Variants in SLC24A3 observed in about 807,000 individuals in gnomAD.
SLC24A3 encodes solute carrier family 24 member 3, also known as sodium/potassium/calcium exchanger 3.
In SLC24A3, 28 loss-of-function variants were observed where a neutral mutation model predicts 75.8. The ratio of observed to expected loss-of-function variants is 0.37; its 90% CI spans 0.27 to 0.51. SLC24A3 has a LOEUF of 0.51. Ranked by LOEUF, SLC24A3 falls within the 20% of genes least tolerant of loss-of-function variation. SLC24A3 has a pLI of 0.94. For synonymous variants in SLC24A3, 372 were observed against 334.1 expected (o/e 1.11, Z -1.24); for missense variants, 663 against 847.8 (o/e 0.78, Z 2.71).
intron 3 of SLC24A3, among the ~76,000 whole-genome samples, chr20:19,563,648 C>A (rs773420487): frequency 2.0e-5 from 3 of 152,182 alleles, no homozygotes; most frequent in Non-Finnish European, 4.4e-5. Flanking sequence ...TTTGGAAGTC[C>A]TGGTTGCTTG....
chr20:19,616,662 A>T (rs2031740573), intron 6 of SLC24A3, among the ~76,000 whole-genome samples: 1 of 152,116 alleles, frequency 6.6e-6, no homozygotes, highest in Non-Finnish European at 1.5e-5. Flanking sequence ...GGGTTCCAGG[A>T]AGTGTCTAAT....
intron 2 of SLC24A3, among the ~76,000 whole-genome samples, chr20:19,334,345 A>G (rs1273637414): frequency 1.3e-5 from 2 of 152,072 alleles, no homozygotes; most frequent in African/African-American, 4.8e-5. Context: ...ATTAAATAAA[A>G]TGATCAAACT....
At chr20:19,483,622 G>C (rs1352725542) in intron 2 of SLC24A3, among the ~76,000 whole-genome samples, 1 of 152,196 alleles carries the variant, frequency 6.6e-6, no homozygotes, top group Admixed American at 6.5e-5. Flanking sequence ...GTGGATACCA[G>C]AGTCAGGGCA....
At chr20:19,228,637 T>G (rs1452391064) in intron 1 of SLC24A3, among the ~76,000 whole-genome samples, 2 of 150,494 alleles carry the variant, frequency 1.3e-5, no homozygotes, top group African/African-American at 4.9e-5. Context: ...AGAGCTAGAC[T>G]CCGTCTCAAA....
intron 1 of SLC24A3, among the ~76,000 whole-genome samples, chr20:19,255,437 G>T (rs186524558): frequency 6.6e-6 from 1 of 152,250 alleles, no homozygotes; most frequent in South Asian, 2.1e-4. Flanking sequence ...TGAGAGAGAA[G>T]TGTGGACTTC....
chr20:19,355,823 G>T (rs1182993689), intron 2 of SLC24A3, among the ~76,000 whole-genome samples: 1 of 152,202 alleles, frequency 6.6e-6, no homozygotes, highest in Non-Finnish European at 1.5e-5. Flanking sequence ...CTGCTACATT[G>T]TAATGGGCTG....
In SLC24A3 at chr20:19,234,188, G is replaced by A. The variant is rs146085047; in HGVS notation, c.142+21204G>A. 1.9e-4 allele frequency among the ~76,000 whole-genome samples: 29 copies of A among 152,314 alleles called. No individual in the cohort carries two copies. In the East Asian group the frequency reaches 5.6e-3, roughly 29 times the overall value. On this transcript the variant is annotated intron_variant, in intron 1 of 16. Transcript: ENST00000328041. ...TAAACCCGTGTTTTTCAAAGTGAGAGCCTTGGAACAGCAGCATCAGCATCG... is the reference window on the plus strand; with the variant it reads ...TAAACCCGTGTTTTTCAAAGTGAGAACCTTGGAACAGCAGCATCAGCATCG...
chr20:19,602,511 C>A (rs1327210598), intron 6 of SLC24A3, among the ~76,000 whole-genome samples: 4 of 152,186 alleles, frequency 2.6e-5, no homozygotes, highest in Non-Finnish European at 4.4e-5. Context: ...AGCTTCGAAA[C>A]CACAGCTGGT....
intron 2 of SLC24A3, among the ~76,000 whole-genome samples, chr20:19,403,904 A>G (rs1221683718): frequency 6.6e-6 from 1 of 152,236 alleles, no homozygotes; most frequent in African/African-American, 2.4e-5. Flanking sequence ...GGAATCCTTT[A>G]GTCAAACAAA....
chr20:19,316,479 A>G (rs940005080), intron 2 of SLC24A3, among the ~76,000 whole-genome samples: 18 of 152,250 alleles, frequency 1.2e-4, no homozygotes, highest in African/African-American at 4.3e-4. Flanking sequence ...TTGACAGGAC[A>G]GGGTTTCCCT....
intron 6 of SLC24A3, among the ~76,000 whole-genome samples, chr20:19,642,075 G>A (rs1262508068): frequency 6.6e-6 from 1 of 151,756 alleles, no homozygotes; most frequent in African/African-American, 2.4e-5. Flanking sequence ...AAGTTTGTAA[G>A]AAAAAAAAGG....
At chr20:19,433,488 G>A (rs546536458) in intron 2 of SLC24A3, among the ~76,000 whole-genome samples, 1 of 152,286 alleles carries the variant, frequency 6.6e-6, no homozygotes, top group East Asian at 1.9e-4. Flanking sequence ...GCATCTCTTT[G>A]ATTGTTTTGC....
At chr20:19,464,157 C>A (rs1318623308) in intron 2 of SLC24A3, among the ~76,000 whole-genome samples, 3 of 152,234 alleles carry the variant, frequency 2.0e-5, no homozygotes, top group African/African-American at 7.2e-5. Context: ...CCAGCCTTCT[C>A]GCCAACACTG....
intron 2 of SLC24A3, among the ~76,000 whole-genome samples, chr20:19,407,644 A>G (rs1049770388): frequency 2.6e-5 from 4 of 152,246 alleles, no homozygotes; most frequent in Non-Finnish European, 5.9e-5. Flanking sequence ...AGAAAGGAAA[A>G]CAAGTAGCCA....
chr20:19,294,878 G>GT (rs1984025120), intron 2 of SLC24A3, among the ~76,000 whole-genome samples: 1 of 152,138 alleles, frequency 6.6e-6, no homozygotes, highest in South Asian at 2.1e-4. Flanking sequence ...TTCCACAATG[G>GT]TTGAACTAAT....
At chr20:19,696,612 T>G (rs2032808973) in intron 13 of SLC24A3, 185 bp from the exon 14 acceptor site, 2 of 496,664 alleles carry the variant, frequency 4.0e-6, no homozygotes, top group Non-Finnish European at 7.2e-6. Context: ...CACCGTCCCC[T>G]GACCTGCAGC....
At position 19,247,840 on chromosome 20, in the gene SLC24A3, G is replaced by A. The variant is rs377347378; in HGVS notation, c.143-33119G>A. Among the ~76,000 whole-genome samples the A allele has an allele frequency of 4.6e-5, 7 of 152,278 alleles. No homozygotes were observed. In the East Asian group the frequency reaches 1.3e-3, roughly 29 times the overall value. ...AGTTACATATGTGATTTGCTTTTTAGATGTTTTATATCTACTTGATGACAC... is the reference window on the plus strand; with the variant it reads ...AGTTACATATGTGATTTGCTTTTTAAATGTTTTATATCTACTTGATGACAC... On this transcript the variant is annotated intron_variant, in intron 1 of 16. Coordinates refer to ENST00000328041, the MANE Select transcript of SLC24A3 (RefSeq NM_020689.4).
In SLC24A3 at chr20:19,605,257, A is replaced by G. The variant is rs912748108; in HGVS notation, c.612+19713A>G. On this transcript the variant is annotated intron_variant, in intron 6 of 16. Coordinates refer to ENST00000328041, the MANE Select transcript of SLC24A3 (RefSeq NM_020689.4). ...GATTTACTTAAGGCTCCATCATCAC[A>G]CAGTTTAACCACAGCTGTCTGATGT... is the stretch of plus-strand genomic sequence containing the variant. Among the ~76,000 whole-genome samples the G allele has an allele frequency of 2.0e-5, 3 of 152,318 alleles. No individual in the cohort carries two copies. In the East Asian group the frequency reaches 5.8e-4, roughly 29 times the overall value.
intron 2 of SLC24A3, among the ~76,000 whole-genome samples, chr20:19,294,326 A>G (rs1984012440): frequency 6.6e-6 from 1 of 152,198 alleles, no homozygotes. Context: ...TCTGGGATAC[A>G]GGTGCAGGAT....
Sources: allele counts gnomAD v4.1 joint callset (sites outside exome capture counted in the v4.1 genomes callset), GRCh38; gene constraint gnomAD v4.1.1; transcripts MANE v1.5; gene names NCBI Gene and HGNC (gene_info 2026-07-23, HGNC 2026-07-21).